Variants in KIAA0232 observed in about 807,000 individuals in gnomAD.
The protein encoded by KIAA0232 is KIAA0232, also known as uncharacterized protein KIAA0232.
In KIAA0232, 27 loss-of-function variants were observed where a neutral mutation model predicts 122.0. The ratio of observed to expected loss-of-function variants is 0.22; its 90% CI spans 0.16 to 0.31. KIAA0232 has a LOEUF of 0.31. KIAA0232 is among the 10% of genes least tolerant of loss of function. The pLI is 1.00. For synonymous variants in KIAA0232, 613 were observed against 587.6 expected, an observed-to-expected ratio of 1.04 and a Z score of -0.63; for missense variants, 1,551 against 1,634.2, an observed-to-expected ratio of 0.95 and a Z score of 0.88.
intron 1 of KIAA0232, among the ~76,000 whole-genome samples, chr4:6,804,315 C>G (rs1284637384): frequency 6.6e-6 from 1 of 152,186 alleles, no homozygotes. Context: ...ACTAGTGTGC[C>G]CTACTCTGCC....
chr4:6,792,881 G>A (rs879508534), intron 1 of KIAA0232, among the ~76,000 whole-genome samples: 7 of 151,776 alleles, frequency 4.6e-5, no homozygotes, highest in Non-Finnish European at 8.8e-5. Context: ...TAGTAGAGAC[G>A]GGGTTTCACC....
intron 1 of KIAA0232, among the ~76,000 whole-genome samples, chr4:6,789,767 C>G (rs1462163793): frequency 1.3e-5 from 2 of 152,244 alleles, no homozygotes; most frequent in East Asian, 3.9e-4. Flanking sequence ...GCTGGCTTGC[C>G]TATAATTCCA....
At chr4:6,873,855 G>A (rs1303908089) in intron 8 of KIAA0232, among the ~76,000 whole-genome samples, 1 of 152,168 alleles carries the variant, frequency 6.6e-6, no homozygotes, top group Non-Finnish European at 1.5e-5. Context: ...TCCTTCTTTA[G>A]CTTATGTGGG....
In KIAA0232 at chr4:6,821,856, A is replaced by G. The variant is rs539049919; in HGVS notation, c.-269-2329A>G. 3.3e-5 allele frequency among the ~76,000 whole-genome samples: 5 copies of G among 152,210 alleles called. No individual in the cohort carries two copies. The South Asian group carries it at 8.3e-4, about 25-fold the overall frequency. On this transcript the variant is annotated intron_variant, in intron 2 of 9. Coordinates refer to ENST00000307659, the MANE Select transcript of KIAA0232 (RefSeq NM_014743.3). ...AGTATCTTTTTGAAAGACACTTTCA[A>G]TGAGTATAGAATTCTAGGTTGACAG...
chr4:6,815,096 T>C (rs1718058475), intron 2 of KIAA0232, among the ~76,000 whole-genome samples: 1 of 152,182 alleles, frequency 6.6e-6, no homozygotes, highest in Non-Finnish European at 1.5e-5. Flanking sequence ...AAAACTTTTT[T>C]ATAGAATTTA....
At chr4:6,792,368 C>G (rs1716933802) in intron 1 of KIAA0232, among the ~76,000 whole-genome samples, 1 of 152,070 alleles carries the variant, frequency 6.6e-6, no homozygotes, top group Non-Finnish European at 1.5e-5. Context: ...TGAGTAACCA[C>G]CTTACTCTCA....
chr4:6,852,926 C>T (rs950782699), intron 4 of KIAA0232, among the ~76,000 whole-genome samples: 5 of 152,214 alleles, frequency 3.3e-5, no homozygotes, highest in African/African-American at 1.2e-4. Context: ...AACCCAGTCA[C>T]TGTGGGAGGG....
In KIAA0232 at chr4:6,842,555, C is replaced by A. The variant is rs547548869; in HGVS notation, c.369+351C>A. The stretch of plus-strand genomic sequence containing the variant: ...CAGCAGTATAATATTATAATATAAT[C>A]TTTATTACTGGATGTTTACCTTGCT... On this transcript the variant is annotated intron_variant, in intron 4 of 9. Transcript: ENST00000307659. 2.0e-4 allele frequency among the ~76,000 whole-genome samples: 30 copies of A among 149,290 alleles called. 1 individual carries two copies. The highest frequency in any genetic ancestry group is 6.9e-4 in the African/African-American group (28 of 40,670).
intron 8 of KIAA0232, among the ~76,000 whole-genome samples, chr4:6,875,864 A>G (rs1279676699): frequency 6.6e-6 from 1 of 152,104 alleles, no homozygotes; most frequent in East Asian, 1.9e-4. Flanking sequence ...GCTGTTCTGG[A>G]TGAAGACCAG....
At chr4:6,852,155 T>A (rs1018488806) in intron 4 of KIAA0232, among the ~76,000 whole-genome samples, 5 of 152,190 alleles carry the variant, frequency 3.3e-5, no homozygotes, top group Admixed American at 2.6e-4. Flanking sequence ...AGAGAGCAAA[T>A]GTGCATGAGA....
In KIAA0232 at chr4:6,881,359, A is replaced by G. The variant is rs1463749275; in HGVS notation, c.*393A>G. 1.3e-5 allele frequency: 2 copies of G among 154,104 alleles called. No individual in the cohort carries two copies. The highest frequency in any genetic ancestry group is 4.1e-4 in the South Asian group (2 of 4,862). 9.5% of individuals were successfully genotyped at this position (154,104 alleles called of 1,614,324 possible). A position where few individuals can be genotyped will look rare whatever the true frequency, so the allele number is the denominator to read the frequency against. On this transcript the variant is annotated 3_prime_UTR_variant, in exon 10 of 10. Coordinates refer to ENST00000307659, the MANE Select transcript of KIAA0232 (RefSeq NM_014743.3). The stretch of plus-strand genomic sequence containing the variant: ...ACCACTTCTGCTCTTCAGAGACTTC[A>G]GCTTTGGAGCATTTAGGCTTTGTTC...
At chr4:6,867,179 G>T (rs771591256) in intron 7 of KIAA0232, among the ~76,000 whole-genome samples, 3 of 152,156 alleles carry the variant, frequency 2.0e-5, no homozygotes, top group Non-Finnish European at 2.9e-5. Context: ...ATGTTTTAGG[G>T]CATTTGACCA....
intron 3 of KIAA0232, among the ~76,000 whole-genome samples, chr4:6,828,562 TATAAG>T (rs2109055103): frequency 6.6e-6 from 1 of 152,338 alleles, no homozygotes; most frequent in South Asian, 2.1e-4. Context: ...GATACATGAA[TATAAG>T]ATGTTATCAA....
intron 1 of KIAA0232, among the ~76,000 whole-genome samples, chr4:6,785,499 A>G (rs2108846492): frequency 6.6e-6 from 1 of 152,326 alleles, no homozygotes; most frequent in East Asian, 1.9e-4. Flanking sequence ...AGTTGGGATG[A>G]TCACTTGAGG....
intron 3 of KIAA0232, among the ~76,000 whole-genome samples, chr4:6,832,419 G>T (rs1719042671): frequency 6.6e-6 from 1 of 150,912 alleles, no homozygotes; most frequent in Non-Finnish European, 1.5e-5. Context: ...CGTGATCTCG[G>T]CTCACTGCAA....
chr4:6,803,264 A>G (rs926906429), intron 1 of KIAA0232, among the ~76,000 whole-genome samples: 1 of 151,592 alleles, frequency 6.6e-6, no homozygotes, highest in African/African-American at 2.4e-5. Context: ...CAGCTCCCTT[A>G]AGTTCAAATG....
chr4:6,813,289 A>G (rs1717957538), intron 2 of KIAA0232, among the ~76,000 whole-genome samples: 1 of 151,878 alleles, frequency 6.6e-6, no homozygotes, highest in South Asian at 2.1e-4. Flanking sequence ...GAAGTGTGGC[A>G]TTATGTTTGG....
chr4:6,787,335 C>T (rs911588071), intron 1 of KIAA0232, among the ~76,000 whole-genome samples: 4 of 152,080 alleles, frequency 2.6e-5, no homozygotes, highest in African/African-American at 9.7e-5. Flanking sequence ...AATATTAGAA[C>T]TGGATTTGAA....
intron 3 of KIAA0232, among the ~76,000 whole-genome samples, chr4:6,827,645 A>G (rs573222470): frequency 6.6e-6 from 1 of 152,352 alleles, no homozygotes; most frequent in East Asian, 1.9e-4. Context: ...CTTGAGTTCT[A>G]AAACAGATTT....
Sources: allele counts gnomAD v4.1 joint callset (sites outside exome capture counted in the v4.1 genomes callset), GRCh38; gene constraint gnomAD v4.1.1; transcripts MANE v1.5; gene names NCBI Gene and HGNC (gene_info 2026-07-23, HGNC 2026-07-21).